ARMH4: variants seen among roughly 807,000 people sequenced by gnomAD.
The protein encoded by ARMH4 is armadillo-like helical domain-containing protein 4.
A neutral mutation model predicts 61.9 loss-of-function variants in ARMH4; 49 were observed. The observed-to-expected ratio is 0.79, with a 90% CI of 0.63 to 1.00. The LOEUF is 1.00. Among genes scored for constraint, ARMH4 ranks in the 50% least tolerant of loss-of-function variants. ARMH4 has a pLI of 0.00. For missense variants in ARMH4, 934 were observed against 930.0 expected (o/e 1.00, Z -0.06); for synonymous variants, 368 against 341.5 (o/e 1.08, Z -0.85).
intron 5 of ARMH4, among the ~76,000 whole-genome samples, chr14:58,070,014 A>G (rs938393669): frequency 3.9e-5 from 6 of 152,182 alleles, no homozygotes; most frequent in African/African-American, 1.4e-4. Flanking sequence ...GCAAGACATG[A>G]TGCTGGCTGA....
At chr14:58,133,364 A>C in intron 2 of ARMH4, 23 bp from the exon 3 acceptor site, 1 of 1,582,148 alleles carries the variant, frequency 6.3e-7, no homozygotes, top group Non-Finnish European at 8.6e-7. Context: ...AAAACATTTA[A>C]AAATAGACCA....
chr14:58,085,884 A>G (rs1885361085), intron 5 of ARMH4, among the ~76,000 whole-genome samples: 1 of 152,200 alleles, frequency 6.6e-6, no homozygotes, highest in African/African-American at 2.4e-5. Flanking sequence ...CAAAAAGAAA[A>G]TATTTTCAAA....
chr14:58,022,354 CCTT>C (rs1882869241), intron 5 of ARMH4, among the ~76,000 whole-genome samples: 1 of 152,166 alleles, frequency 6.6e-6, no homozygotes, highest in South Asian at 2.1e-4. Context: ...ATCTCCAGGT[CCTT>C]AAGTCAATCA....
At chr14:58,058,116 A>T (rs188855152) in intron 5 of ARMH4, among the ~76,000 whole-genome samples, 9 of 152,342 alleles carry the variant, frequency 5.9e-5, no homozygotes, top group Non-Finnish European at 1.3e-4. Flanking sequence ...AATTGGTTCC[A>T]GGACAACCCT....
At chr14:58,094,982 T>G (rs932532725) in intron 5 of ARMH4, among the ~76,000 whole-genome samples, 2 of 152,212 alleles carry the variant, frequency 1.3e-5, no homozygotes, top group African/African-American at 4.8e-5. Context: ...TTGACTCCTA[T>G]TCAGTGGTAA....
intron 4 of ARMH4, among the ~76,000 whole-genome samples, chr14:58,106,855 A>C (rs1886182324): frequency 6.6e-6 from 1 of 151,438 alleles, no homozygotes; most frequent in African/African-American, 2.4e-5. Context: ...GGCTTAAATG[A>C]GCTTGTGCAA....
At chr14:58,109,397 T>C (rs1194524017) in intron 4 of ARMH4, among the ~76,000 whole-genome samples, 3 of 152,204 alleles carry the variant, frequency 2.0e-5, no homozygotes, top group Non-Finnish European at 4.4e-5. Context: ...GCTTTCCCCA[T>C]CACTCTGCAG....
chr14:58,026,904 G>A (rs761916252), intron 5 of ARMH4, among the ~76,000 whole-genome samples: 2 of 152,144 alleles, frequency 1.3e-5, no homozygotes, highest in Non-Finnish European at 2.9e-5. Flanking sequence ...TTTGCCATTG[G>A]CCCTTAGCTG....
At position 58,131,595 on chromosome 14, in the gene ARMH4, G is replaced by C; in HGVS notation, c.1748C>G (p.Ser583Cys). ...ISPALPALEA[S>C]SERRTVVPSI... ...TGGAACAACAGTTCTTCTCTCAGAG[G>C]ATGCCTCCAAAGCAGGAAGTGCAGG... The change falls in exon 4 of 8, where the codon TCC (serine) becomes TGC (cysteine). Residue 583 changes from serine to cysteine, a missense_variant. Physicochemically the swap from Ser to Cys is moderately radical, Grantham distance 112 (BLOSUM62 -1). Coordinates refer to ENST00000267485, the MANE Select transcript of ARMH4 (RefSeq NM_001001872.4). 6.2e-7 allele frequency: 1 copy of C among 1,614,176 alleles called. No homozygotes were observed.
intron 5 of ARMH4, among the ~76,000 whole-genome samples, chr14:58,064,529 C>T (rs1056984398): frequency 6.6e-6 from 1 of 152,140 alleles, no homozygotes; most frequent in Non-Finnish European, 1.5e-5. Context: ...TACACTTATT[C>T]CAATAATGTT....
At chr14:58,032,323 T>C (rs1453742988) in intron 5 of ARMH4, among the ~76,000 whole-genome samples, 2 of 152,160 alleles carry the variant, frequency 1.3e-5, no homozygotes, top group East Asian at 1.9e-4. Flanking sequence ...TTCTCATATA[T>C]TAGGAGCCCA....
intron 5 of ARMH4, among the ~76,000 whole-genome samples, chr14:58,047,140 T>C (rs529267844): frequency 2.0e-5 from 3 of 152,330 alleles, no homozygotes; most frequent in African/African-American, 7.2e-5. Context: ...ATCATGGTCA[T>C]CATTGCATAA....
intron 5 of ARMH4, among the ~76,000 whole-genome samples, chr14:58,048,630 G>T (rs1884017355): frequency 6.6e-6 from 1 of 152,006 alleles, no homozygotes; most frequent in Non-Finnish European, 1.5e-5. Flanking sequence ...TCTTTGAAGG[G>T]AACAACAACC....
rs1394330897 is a variant in ARMH4 at position 58,033,840 on chromosome 14, G to A, written c.2090-21690C>T. Among the ~76,000 whole-genome samples, 13 of 33,904 alleles carry A rather than the reference G, an allele frequency of 3.8e-4. 1 individual carries two copies. Among genetic ancestry groups the A allele is most frequent in the African/African-American group, 1.1e-3 (12 of 10,688 alleles). 22.2% of individuals were successfully genotyped at this position (33,904 alleles called of 152,430 possible). A position where few individuals can be genotyped will look rare whatever the true frequency, so the allele number is the denominator to read the frequency against. ...GAAATGAATGAAATGAAGCAAGAAG[G>A]GAAGTTTAGAGAAAAAAGAATAAAA... is the stretch of plus-strand genomic sequence containing the variant. On this transcript the variant is annotated intron_variant, in intron 5 of 7. Coordinates refer to ENST00000267485, the MANE Select transcript of ARMH4 (RefSeq NM_001001872.4).
Position 58,012,103 on chromosome 14 carries a change from A to G in ARMH4, c.2121+16T>C, listed in dbSNP as rs371099544. ...GCCCCTAAAAATAAACCAATGGAAGAAAATACTTTTCTTACCTTGTCTTTT... is the reference window on the plus strand; with the variant it reads ...GCCCCTAAAAATAAACCAATGGAAGGAAATACTTTTCTTACCTTGTCTTTT... On this transcript the variant is annotated intron_variant, in intron 6 of 7. Coordinates refer to ENST00000267485, the MANE Select transcript of ARMH4 (RefSeq NM_001001872.4). 2.0e-5 allele frequency: 29 copies of G among 1,473,676 alleles called. No individual in the cohort carries two copies. The highest frequency in any genetic ancestry group is 2.5e-5 in the Non-Finnish European group (27 of 1,075,144). The allele number at this position is 1,473,676 out of a possible 1,614,324, so 91.3% of individuals were successfully genotyped here.
At chr14:58,100,212 G>A (rs1329579645) in intron 4 of ARMH4, among the ~76,000 whole-genome samples, 1 of 152,200 alleles carries the variant, frequency 6.6e-6, no homozygotes, top group Non-Finnish European at 1.5e-5. Context: ...AAAGAGAAAT[G>A]TTGGTGGTTT....
chr14:58,041,998 G>C (rs1007229610), intron 5 of ARMH4, among the ~76,000 whole-genome samples: 3 of 151,774 alleles, frequency 2.0e-5, no homozygotes, highest in African/African-American at 7.3e-5. Flanking sequence ...ATAATAATGG[G>C]AGACTTTAAC....
At chr14:58,093,150 C>T (rs1360288910) in intron 5 of ARMH4, among the ~76,000 whole-genome samples, 1 of 152,172 alleles carries the variant, frequency 6.6e-6, no homozygotes, top group South Asian at 2.1e-4. Context: ...TTTGCTTCCC[C>T]TTCTGCCATG....
intron 4 of ARMH4, chr14:58,116,431 T>C: frequency 2.6e-6 from 1 of 388,622 alleles, no homozygotes; most frequent in Non-Finnish European, 5.3e-6. Flanking sequence ...TTCCAACACT[T>C]TGGGAGGCCG....
Sources: allele counts gnomAD v4.1 joint callset (sites outside exome capture counted in the v4.1 genomes callset), GRCh38; gene constraint gnomAD v4.1.1; transcripts MANE v1.5; gene names NCBI Gene and HGNC (gene_info 2026-07-23, HGNC 2026-07-21).